FRMD3: variants seen among roughly 807,000 people sequenced by gnomAD.
The protein encoded by FRMD3 is FERM domain containing 3, also known as FERM domain-containing protein 3.
Under a neutral mutation model 70.2 loss-of-function variants are expected in FRMD3, and 33 were observed. The observed-to-expected ratio is 0.47, with a 90% CI of 0.36 to 0.63. FRMD3 has a LOEUF of 0.63. Among genes scored for constraint, FRMD3 ranks in the 20% least tolerant of loss-of-function variants. FRMD3 has a pLI of 0.00. For missense variants in FRMD3, 632 were observed against 711.4 expected (o/e 0.89, Z 1.27); for synonymous variants, 279 against 255.9 (o/e 1.09, Z -0.86).
chr9:83,428,110 C>T (rs1432962146), intron 1 of FRMD3, among the ~76,000 whole-genome samples: 1 of 152,176 alleles, frequency 6.6e-6, no homozygotes, highest in Non-Finnish European at 1.5e-5. Flanking sequence ...GGTGAGGTGG[C>T]TCACACCTGT....
chr9:83,265,998 C>T (rs1181152884), intron 13 of FRMD3, among the ~76,000 whole-genome samples: 2 of 152,064 alleles, frequency 1.3e-5, no homozygotes, highest in African/African-American at 2.4e-5. Flanking sequence ...GTTATGATAT[C>T]TTTATATTAC....
rs577396373 is a variant in FRMD3 at position 83,337,754 on chromosome 9, T to C, written c.473-2115A>G. Reference sequence around the variant, plus strand: ...TCACATCATCCAATGACTGGAAAAGTATATAACCAGGAGGAAATCAAAGCT... The same window carrying C: ...TCACATCATCCAATGACTGGAAAAGCATATAACCAGGAGGAAATCAAAGCT... On this transcript the variant is annotated intron_variant, in intron 5 of 13. Coordinates refer to ENST00000304195, the MANE Select transcript of FRMD3 (RefSeq NM_174938.6). Among the ~76,000 whole-genome samples, 8 of 152,322 alleles carry C rather than the reference T, an allele frequency of 5.3e-5. No individual in the cohort carries two copies. In the South Asian group the frequency reaches 1.7e-3, roughly 32 times the overall value.
intron 1 of FRMD3, among the ~76,000 whole-genome samples, chr9:83,395,202 T>C (rs1348101937): frequency 1.3e-5 from 2 of 151,714 alleles, no homozygotes; most frequent in Non-Finnish European, 2.9e-5. Flanking sequence ...TTGTCTCAAT[T>C]TTACAGATCC....
intron 3 of FRMD3, among the ~76,000 whole-genome samples, chr9:83,366,949 C>T (rs1587778991): frequency 2.6e-5 from 4 of 152,084 alleles, no homozygotes; most frequent in Admixed American, 6.5e-5. Flanking sequence ...ACAAGAATCG[C>T]TTGAACTCAG....
chr9:83,340,725 A>T (rs962150970), intron 5 of FRMD3, among the ~76,000 whole-genome samples: 1 of 152,238 alleles, frequency 6.6e-6, no homozygotes, highest in East Asian at 1.9e-4. Context: ...CGTTGGATTC[A>T]GTATGTACAG....
chr9:83,420,940 T>C (rs1354875614), intron 1 of FRMD3, among the ~76,000 whole-genome samples: 6 of 128,922 alleles, frequency 4.7e-5, no homozygotes, highest in Admixed American at 7.5e-5. Flanking sequence ...CTTTCTTCTT[T>C]TTTTTTTTTT....
upstream of FRMD3, among the ~76,000 whole-genome samples, chr9:83,538,820 G>A (rs1359589140): frequency 2.0e-5 from 3 of 152,218 alleles, no homozygotes; most frequent in Admixed American, 1.3e-4. This position sits in a 1 kb window ranked among gnomAD's most constrained non-coding sequence, Gnocchi z 4.7. Flanking sequence ...GGTAGGGGAC[G>A]GAGAGCGATC....
chr9:83,369,743 T>C (rs938238299), intron 3 of FRMD3, among the ~76,000 whole-genome samples: 8 of 152,044 alleles, frequency 5.3e-5, no homozygotes, highest in Non-Finnish European at 1.0e-4. Context: ...GAAAAATATA[T>C]AGAGATTGAT....
chr9:83,399,343 C>T (rs1825889377), intron 1 of FRMD3, among the ~76,000 whole-genome samples: 2 of 152,142 alleles, frequency 1.3e-5, no homozygotes, highest in South Asian at 4.1e-4. Flanking sequence ...TAAAAGATGC[C>T]TTGTGTATCT....
intron 13 of FRMD3, among the ~76,000 whole-genome samples, chr9:83,258,581 G>A (rs1000232320): frequency 1.3e-5 from 2 of 152,236 alleles, no homozygotes; most frequent in Non-Finnish European, 2.9e-5. Flanking sequence ...GGAAAGGATC[G>A]AACTGAGAGA....
chr9:83,519,075 G>A (rs1389771560), intron 1 of FRMD3, among the ~76,000 whole-genome samples: 4 of 152,138 alleles, frequency 2.6e-5, no homozygotes, highest in African/African-American at 4.8e-5. Flanking sequence ...TCAGGACATA[G>A]GCATGGACAA....
At chr9:83,473,092 T>G (rs1828309488) in intron 1 of FRMD3, among the ~76,000 whole-genome samples, 2 of 152,158 alleles carry the variant, frequency 1.3e-5, no homozygotes, top group South Asian at 4.1e-4. Context: ...ATTATTATAT[T>G]CCTCAAAGAC....
intron 5 of FRMD3, among the ~76,000 whole-genome samples, chr9:83,341,018 T>A (rs1823736865): frequency 1.3e-5 from 2 of 152,200 alleles, no homozygotes; most frequent in Admixed American, 6.5e-5. Context: ...ACTTACTCCA[T>A]CTTCCCTATT....
intron 1 of FRMD3, among the ~76,000 whole-genome samples, chr9:83,407,857 CTCTCTCTCTCTCTCTCATCTT>C (rs1826157523): frequency 2.8e-4 from 36 of 129,832 alleles, no homozygotes; most frequent in African/African-American, 8.2e-4. Context: ...CTCTCTCTCT[CTCTCTCTCTCTCTCTCATCTT>C]TCTCTCTCTC....
At chr9:83,382,851 C>T (rs1331983420) in intron 2 of FRMD3, among the ~76,000 whole-genome samples, 5 of 152,100 alleles carry the variant, frequency 3.3e-5, no homozygotes, top group African/African-American at 4.8e-5. Context: ...TGGCCCAAAC[C>T]TCCTCTTTAA....
chr9:83,578,551 T>A, the FRMD3 span, among the ~76,000 whole-genome samples: 4 of 151,884 alleles, frequency 2.6e-5, no homozygotes, highest in Non-Finnish European at 5.9e-5. Context: ...ATATACCACA[T>A]TTACAAAATG....
intron 13 of FRMD3, among the ~76,000 whole-genome samples, chr9:83,282,945 C>T (rs1333825544): frequency 1.3e-5 from 2 of 152,096 alleles, no homozygotes; most frequent in Non-Finnish European, 2.9e-5. Context: ...TTCCTTACAA[C>T]ACAGTAAACA....
Position 83,245,894 on chromosome 9 carries a change from A to G in FRMD3, c.*2024T>C, listed in dbSNP as rs1463836996. ...AAGCTTCCAAAATAAATTGTTGAGG[A>G]TTCCAATCACAGAAAATATATTCCT... is the stretch of plus-strand genomic sequence containing the variant. On this transcript the variant is annotated 3_prime_UTR_variant, in exon 14 of 14. Transcript: ENST00000304195. 3 of 983,674 alleles carry G rather than the reference A, an allele frequency of 3.0e-6. No individual in the cohort carries two copies. Among genetic ancestry groups the G allele is most frequent in the Non-Finnish European group, 3.6e-6 (3 of 828,496 alleles). The allele number at this position is 983,674 out of a possible 1,614,324, so 60.9% of individuals were successfully genotyped here.
At chr9:83,320,893 C>T (rs1356883266) in intron 6 of FRMD3, among the ~76,000 whole-genome samples, 1 of 152,042 alleles carries the variant, frequency 6.6e-6, no homozygotes, top group Non-Finnish European at 1.5e-5. Context: ...TTGGTCAGTT[C>T]AGAAGTTTTA....
Sources: allele counts gnomAD v4.1 joint callset (sites outside exome capture counted in the v4.1 genomes callset), GRCh38; gene constraint gnomAD v4.1.1; non-coding constraint Gnocchi (gnomAD v3.1); transcripts MANE v1.5; gene names NCBI Gene and HGNC (gene_info 2026-07-23, HGNC 2026-07-21).